Variants in MAP4K5 observed in about 807,000 individuals in gnomAD.
The protein encoded by MAP4K5 is mitogen-activated protein kinase kinase kinase kinase 5.
MAP4K5 carries 82 observed loss-of-function variants against 135.6 expected under a neutral mutation model. The observed-to-expected ratio is 0.60, with a 90% CI of 0.51 to 0.73. The LOEUF (loss-of-function observed/expected upper bound fraction) is 0.73, where lower values mean the gene tolerates loss of function less well. MAP4K5 is among the 30% of genes least tolerant of loss of function. The pLI is 0.00. For synonymous variants in MAP4K5, 347 were observed against 335.0 expected (o/e 1.04, Z -0.39); for missense variants, 907 against 1,010.9 (o/e 0.90, Z 1.39).
At chr14:50,547,621 TA>T (rs1262086397) in intron 1 of MAP4K5, among the ~76,000 whole-genome samples, 1 of 152,172 alleles carries the variant, frequency 6.6e-6, no homozygotes, top group African/African-American at 2.4e-5. Flanking sequence ...AGAACCCCTA[TA>T]ACAGCCCTGT....
chr14:50,442,492 G>A (rs1343680360), intron 21 of MAP4K5, among the ~76,000 whole-genome samples: 2 of 151,972 alleles, frequency 1.3e-5, no homozygotes, highest in African/African-American at 4.8e-5. Flanking sequence ...TCTAAATTAA[G>A]GATGCAATCA....
chr14:50,495,076 C>G (rs1301362948), intron 3 of MAP4K5, among the ~76,000 whole-genome samples: 1 of 152,086 alleles, frequency 6.6e-6, no homozygotes, highest in Non-Finnish European at 1.5e-5. Context: ...GACGAGACTA[C>G]AAATGAAATT....
At chr14:50,541,451 T>C (rs1267995793) in intron 2 of MAP4K5, among the ~76,000 whole-genome samples, 1 of 152,226 alleles carries the variant, frequency 6.6e-6, no homozygotes, top group Non-Finnish European at 1.5e-5. Context: ...CCTTGTATCA[T>C]CCACCTTAAA....
chr14:50,444,103 C>T, intron 18 of MAP4K5, 67 bp from the exon 19 acceptor site: 1 of 1,033,360 alleles, frequency 9.7e-7, no homozygotes, highest in Non-Finnish European at 1.5e-6. Flanking sequence ...AAATTATTTC[C>T]CCTTTCTCCC....
chr14:50,442,695 T>C, intron 21 of MAP4K5, 37 bp downstream of exon 21: 1 of 1,272,982 alleles, frequency 7.9e-7, no homozygotes, highest in Non-Finnish European at 1.1e-6. Flanking sequence ...ATAATAAATA[T>C]TTTATTGGAG....
chr14:50,459,551 C>A (rs1346448722), intron 13 of MAP4K5, among the ~76,000 whole-genome samples: 1 of 152,154 alleles, frequency 6.6e-6, no homozygotes, highest in Admixed American at 6.5e-5. Context: ...CACTCCCTTA[C>A]CCTTTAATGG....
intron 2 of MAP4K5, among the ~76,000 whole-genome samples, chr14:50,539,399 T>C (rs996407764): frequency 1.3e-5 from 2 of 152,176 alleles, no homozygotes; most frequent in African/African-American, 4.8e-5. Flanking sequence ...ATACCAGGCA[T>C]GAATAGAAAA....
chr14:50,482,852 G>C (rs1391257348), intron 5 of MAP4K5: 1 of 152,794 alleles, frequency 6.5e-6, no homozygotes, highest in Admixed American at 6.5e-5. Context: ...ATACAGTTGA[G>C]TGATTTCTCT....
At chr14:50,514,296 T>C (rs2037988215) in intron 2 of MAP4K5, among the ~76,000 whole-genome samples, 1 of 152,012 alleles carries the variant, frequency 6.6e-6, no homozygotes. Context: ...TTGGCCAGGA[T>C]GGTCTCAAAT....
intron 13 of MAP4K5, among the ~76,000 whole-genome samples, chr14:50,461,076 A>C (rs1165004773): frequency 2.0e-5 from 3 of 152,170 alleles, no homozygotes; most frequent in African/African-American, 7.2e-5. Context: ...CTGGGGTTGG[A>C]GTGCAGTGGC....
At chr14:50,478,367 C>T (rs79334534) in intron 6 of MAP4K5, among the ~76,000 whole-genome samples, 1 of 151,986 alleles carries the variant, frequency 6.6e-6, no homozygotes, top group African/African-American at 2.4e-5. Context: ...TTTTATTTCA[C>T]TGACATTCTC....
chr14:50,487,292 G>A (rs911263261), intron 3 of MAP4K5, among the ~76,000 whole-genome samples: 6 of 152,182 alleles, frequency 3.9e-5, no homozygotes, highest in African/African-American at 1.4e-4. Flanking sequence ...TGGCGACAGA[G>A]CGAGACTCCA....
At chr14:50,520,909 A>C (rs1208998695) in intron 2 of MAP4K5, among the ~76,000 whole-genome samples, 1 of 139,632 alleles carries the variant, frequency 7.2e-6, no homozygotes, top group Non-Finnish European at 1.5e-5. Context: ...CGCAACCTCC[A>C]CCTCCCAGTT....
At chr14:50,560,451 G>T (rs1034575036) in intron 1 of MAP4K5, 1 of 1,065,816 alleles carries the variant, frequency 9.4e-7, no homozygotes. Context: ...CTGTTTGGGC[G>T]GAGGAACCAT....
chr14:50,552,730 C>T lies in MAP4K5; in HGVS notation c.-180+8310G>A, dbSNP rs924051641. ...AGCCAAATACTTACAGCTAACTGGT[C>T]GTCGACAAAACAAACAAAAACATAA... is the stretch of plus-strand genomic sequence containing the variant. On this transcript the variant is annotated intron_variant, in intron 1 of 8. Transcript: ENST00000555216. Among the ~76,000 whole-genome samples the T allele has an allele frequency of 5.3e-5, 8 of 152,186 alleles. No homozygotes were observed. The South Asian group carries it at 6.2e-4, about 12-fold the overall frequency.
chr14:50,495,979 C>G (rs2037583183), intron 3 of MAP4K5, among the ~76,000 whole-genome samples: 1 of 152,114 alleles, frequency 6.6e-6, no homozygotes, highest in South Asian at 2.1e-4. Context: ...TTCTAGACAA[C>G]TATTTCACAA....
chr14:50,468,042 G>A (rs182719287), intron 10 of MAP4K5, among the ~76,000 whole-genome samples: 75 of 152,012 alleles, frequency 4.9e-4, no homozygotes, highest in African/African-American at 1.7e-3. Context: ...CTTTTCAGAT[G>A]CCCTCAAATA....
At chr14:50,431,566 T>TA (rs1219198798) in intron 28 of MAP4K5, among the ~76,000 whole-genome samples, 1 of 152,276 alleles carries the variant, frequency 6.6e-6, no homozygotes, top group African/African-American at 2.4e-5. Context: ...TCCATGTCCC[T>TA]ACAAAGGATA....
At chr14:50,437,658 C>T (rs2036126905) in intron 25 of MAP4K5, 124 bp from the exon 26 acceptor site, 3 of 686,418 alleles carry the variant, frequency 4.4e-6, no homozygotes, top group East Asian at 5.4e-5. Flanking sequence ...CCTAACTCCA[C>T]ACTATCTCAT....
Sources: allele counts gnomAD v4.1 joint callset (sites outside exome capture counted in the v4.1 genomes callset), GRCh38; gene constraint gnomAD v4.1.1; transcripts MANE v1.5; gene names NCBI Gene and HGNC (gene_info 2026-07-23, HGNC 2026-07-21).